Variants in IGBP1 observed in about 807,000 individuals in gnomAD.
IGBP1 encodes immunoglobulin-binding protein 1.
In IGBP1, 2 loss-of-function variants were observed where a neutral mutation model predicts 25.9. The ratio of observed to expected loss-of-function variants is 0.08; its 90% CI spans 0.03 to 0.24. The LOEUF (loss-of-function observed/expected upper bound fraction) is 0.24, where lower values mean the gene tolerates loss of function less well. Ranked by LOEUF, IGBP1 falls within the 10% of genes least tolerant of loss-of-function variation. IGBP1 has a pLI of 1.00. For missense variants in IGBP1, 187 were observed against 260.4 expected (o/e 0.72, Z 1.94); for synonymous variants, 96 against 93.4 (o/e 1.03, Z -0.16).
At chrX:70,147,736 C>T in intron 4 of IGBP1, among the ~76,000 whole-genome samples, 2 of 111,996 alleles carry the variant, frequency 1.8e-5, no homozygotes, top group Middle Eastern at 9.2e-3. Flanking sequence ...TTTGGAGCTG[C>T]TGCTTCAAAA....
chrX:70,151,468 G>A (rs191488371), intron 6 of IGBP1, among the ~76,000 whole-genome samples: 316 of 111,535 alleles, frequency 2.8e-3, no homozygotes, highest in Non-Finnish European at 4.6e-3. Context: ...CAGCCACCGC[G>A]CTCAGCTTCA....
At position 70,133,986 on chromosome X, in the gene IGBP1, C is replaced by T. The variant is rs2085079145; in HGVS notation, c.39C>T (p.Pro13=). ...ACGAGTTACAGCTGCCGCGGCTCCC[C>T]GAGCTGTTCGAAACTGGTAGACAGT... ...AEDELQLPRL[P]ELFETGRQLL... Residue 13 remains proline (P), a synonymous_variant, in exon 2 of 7, where the codon CCC becomes CCT. Coordinates refer to ENST00000356413, the MANE Select transcript of IGBP1 (RefSeq NM_001551.3). 4 of 1,211,317 alleles carry T rather than the reference C, an allele frequency of 3.3e-6. No individual in the cohort carries two copies. The highest frequency in any genetic ancestry group is 4.5e-6 in the Non-Finnish European group (4 of 895,100).
intron 3 of IGBP1, among the ~76,000 whole-genome samples, chrX:70,144,146 C>T (rs1395591149): frequency 1.8e-5 from 2 of 112,120 alleles, no homozygotes; most frequent in South Asian, 3.7e-4. Flanking sequence ...TGAAATTGTG[C>T]GGCTGCACTC....
intron 6 of IGBP1, among the ~76,000 whole-genome samples, chrX:70,157,670 A>G (rs2085249461): frequency 1.8e-5 from 2 of 112,613 alleles, no homozygotes; most frequent in Admixed American, 9.4e-5. Flanking sequence ...AAAAGAGTAT[A>G]TACTGTATGA....
In IGBP1 at chrX:70,146,103, G is replaced by A. The variant is rs147804663; in HGVS notation, c.483-530G>A. On this transcript the variant is annotated intron_variant, in intron 3 of 6. Coordinates refer to ENST00000356413, the MANE Select transcript of IGBP1 (RefSeq NM_001551.3). ...CATCCTGAAAAAGAAAGGCAGCCAGGGTGGTTATGAGTCTTCAGATGATAA... is the reference window on the plus strand; with the variant it reads ...CATCCTGAAAAAGAAAGGCAGCCAGAGTGGTTATGAGTCTTCAGATGATAA... Among the ~76,000 whole-genome samples, 8 of 111,895 alleles carry A rather than the reference G, an allele frequency of 7.1e-5. No individual in the cohort carries two copies. In the East Asian group the frequency reaches 2.3e-3, roughly 32 times the overall value.
rs762405623 is a variant in IGBP1, at chrX:70,133,972, C to G, written c.25C>G (p.Leu9Val). Residue 9 changes from leucine to valine, a missense_variant, in exon 2 of 7, where the codon CTG becomes GTG. Physicochemically the swap from Leu to Val is conservative, Grantham distance 32 (BLOSUM62 1). Coordinates refer to ENST00000356413, the MANE Select transcript of IGBP1 (RefSeq NM_001551.3). MAAEDELQLPRLPELFETG... is the reference protein window; with the variant it reads MAAEDELQVPRLPELFETG... The stretch of plus-strand genomic sequence containing the variant: ...GATGGCTGCTGAGGACGAGTTACAG[C>G]TGCCGCGGCTCCCCGAGCTGTTCGA... 1.1e-5 allele frequency: 13 copies of G among 1,211,373 alleles called. No individual in the cohort carries two copies. The highest frequency in any genetic ancestry group is 2.2e-5 in the Admixed American group (1 of 46,059).
chrX:70,155,880 A>C (rs998327745), intron 6 of IGBP1, among the ~76,000 whole-genome samples: 1 of 112,009 alleles, frequency 8.9e-6, no homozygotes, highest in Admixed American at 9.5e-5. Flanking sequence ...TCAGGGAGAC[A>C]TAGCAGTCAT....
At chrX:70,137,880 C>A (rs1169331516) in intron 3 of IGBP1, among the ~76,000 whole-genome samples, 1 of 109,115 alleles carries the variant, frequency 9.2e-6, no homozygotes, top group Non-Finnish European at 1.9e-5. Flanking sequence ...TGCCTGTAAT[C>A]CCAACACTTC....
At chrX:70,148,128 A>T (rs2085179182) in intron 4 of IGBP1, among the ~76,000 whole-genome samples, 1 of 111,380 alleles carries the variant, frequency 9.0e-6, no homozygotes, top group South Asian at 3.7e-4. Context: ...ATGTGCTTTC[A>T]TGTGGTATTG....
chrX:70,147,660 G>A (rs2147577877), intron 4 of IGBP1, among the ~76,000 whole-genome samples: 1 of 112,060 alleles, frequency 8.9e-6, no homozygotes, highest in African/African-American at 3.2e-5. Context: ...TGCACAGAAT[G>A]TCCAGTAAAC....
chrX:70,143,676 G>A (rs763889039), intron 3 of IGBP1, among the ~76,000 whole-genome samples: 2 of 90,079 alleles, frequency 2.2e-5, no homozygotes, highest in Admixed American at 1.4e-4. Context: ...GTCTAAGACA[G>A]TAGTTTTCCA....
At chrX:70,144,321 C>G (rs956160226) in intron 3 of IGBP1, among the ~76,000 whole-genome samples, 2 of 112,119 alleles carry the variant, frequency 1.8e-5, no homozygotes, top group African/African-American at 6.5e-5. Context: ...GAACCTTATT[C>G]AGAGGACTAC....
At chrX:70,140,973 T>C (rs2085125680) in intron 3 of IGBP1, among the ~76,000 whole-genome samples, 1 of 110,765 alleles carries the variant, frequency 9.0e-6, no homozygotes, top group Admixed American at 9.7e-5. Flanking sequence ...AGGAAAAACA[T>C]GTAGACAGAA....
At chrX:70,145,818 A>G (rs1210590933) in intron 3 of IGBP1, among the ~76,000 whole-genome samples, 1 of 112,467 alleles carries the variant, frequency 8.9e-6, no homozygotes, top group Non-Finnish European at 1.9e-5. Context: ...TCATCTCTTC[A>G]GAGAGTTCTC....
intron 6 of IGBP1, among the ~76,000 whole-genome samples, chrX:70,153,277 T>A (rs1251011126): frequency 8.9e-6 from 1 of 111,895 alleles, no homozygotes; most frequent in Non-Finnish European, 1.9e-5. Context: ...AAAGAATTCT[T>A]CACCAGAAAA....
At chrX:70,151,728 A>G (rs754109866) in intron 6 of IGBP1, among the ~76,000 whole-genome samples, 70 of 109,955 alleles carry the variant, frequency 6.4e-4, no homozygotes, top group African/African-American at 2.2e-3. Flanking sequence ...AAATACAAAA[A>G]CCAGCCGAGC....
intron 3 of IGBP1, among the ~76,000 whole-genome samples, chrX:70,142,634 G>A (rs149501808): frequency 1.1e-3 from 122 of 109,705 alleles, no homozygotes; most frequent in African/African-American, 3.8e-3. Context: ...CCTGGGCAAC[G>A]TAGTGAGACC....
chrX:70,155,753 A>C (rs2085236465), intron 6 of IGBP1, among the ~76,000 whole-genome samples: 1 of 111,689 alleles, frequency 9.0e-6, no homozygotes. Flanking sequence ...CCATGCTAAC[A>C]GTAAGCATAA....
In IGBP1 at chrX:70,156,809, G is replaced by A. The variant is rs189380049; in HGVS notation, c.871+6487G>A. Among the ~76,000 whole-genome samples the A allele has an allele frequency of 3.2e-3, 349 of 110,564 alleles. 2 individuals carry two copies. Among genetic ancestry groups the A allele is most frequent in the African/African-American group, 9.9e-3 (302 of 30,476 alleles). On this transcript the variant is annotated intron_variant, in intron 6 of 6. Coordinates refer to ENST00000356413, the MANE Select transcript of IGBP1 (RefSeq NM_001551.3). ...AGAAAAATTAGCCGGGCGTGGTGGC[G>A]GGCGCCTGTAATCCCAGCTATTCGG...
Sources: gnomAD v4.1 joint callset for allele counts (sites outside exome capture counted in the v4.1 genomes callset) on GRCh38, gnomAD v4.1.1 for gene constraint, MANE v1.5 for transcripts, NCBI Gene and HGNC (gene_info 2026-07-23, HGNC 2026-07-21) for gene names.